The following CPLANE1 variants were observed in gnomAD, a reference collection of about 807,000 sequenced individuals.
The protein encoded by CPLANE1 is ciliogenesis and planar polarity effector 1.
Under a neutral mutation model 362.5 loss-of-function variants are expected in CPLANE1, and 263 were observed. The observed-to-expected ratio is 0.73, with a 90% CI of 0.66 to 0.80. CPLANE1 has a LOEUF of 0.80. Among genes scored for constraint, CPLANE1 ranks in the 30% least tolerant of loss-of-function variants. The pLI is 0.00. For synonymous variants in CPLANE1, 1,212 were observed against 1,302.6 expected (o/e 0.93, Z 1.50); for missense variants, 3,461 against 3,793.4 (o/e 0.91, Z 2.30).
intron 20 of CPLANE1, 104 bp downstream of exon 20, chr5:37,198,598 T>C: frequency 1.8e-6 from 2 of 1,113,864 alleles, no homozygotes; most frequent in South Asian, 1.8e-5. Context: ...TGTGGATTTA[T>C]AGGGCAGGAC....
intron 30 of CPLANE1, among the ~76,000 whole-genome samples, chr5:37,176,585 T>C (rs1038356500): frequency 6.6e-5 from 10 of 152,082 alleles, no homozygotes; most frequent in Non-Finnish European, 1.0e-4. Context: ...TAAAGATTAG[T>C]GTTTGTCTTC....
chr5:37,117,303 T>C (rs1378325944), intron 50 of CPLANE1, among the ~76,000 whole-genome samples: 1 of 150,708 alleles, frequency 6.6e-6, no homozygotes, highest in Non-Finnish European at 1.5e-5. Flanking sequence ...AAGCATTTAA[T>C]CTAGTATGGG....
rs375519014 is a variant in CPLANE1 at position 37,149,081 on chromosome 5, G to GGT, written c.8374-815_8374-814dup. On this transcript the variant is annotated intron_variant, in intron 42 of 52. Transcript: ENST00000651892. ...TAAATTAAATAAATAAGCAAATTGT[G>GGT]GTGTGTGTGTGTGTGTATACAAAAT... Among the ~76,000 whole-genome samples the GGT allele has an allele frequency of 5.2e-3, 780 of 151,448 alleles. 3 individuals are homozygous for GGT. The highest frequency in any genetic ancestry group is 0.015 in the African/African-American group (605 of 41,354).
In CPLANE1 at chr5:37,200,209, G is replaced by A. The variant is rs375457777; in HGVS notation, c.3508-1343C>T. On this transcript the variant is annotated intron_variant, in intron 19 of 52. Coordinates refer to ENST00000651892, the MANE Select transcript of CPLANE1 (RefSeq NM_001384732.1). ...TTATTGTTTAAACCATTTTGACCAAGTGTTTTATTACTTGCAACACAAGGG... is the reference window on the plus strand; with the variant it reads ...TTATTGTTTAAACCATTTTGACCAAATGTTTTATTACTTGCAACACAAGGG... 1.6e-4 allele frequency among the ~76,000 whole-genome samples: 25 copies of A among 152,274 alleles called. No homozygotes were observed. The East Asian group carries it at 3.5e-3, about 21-fold the overall frequency.
downstream of CPLANE1, among the ~76,000 whole-genome samples, chr5:37,104,275 T>C (rs534318825): frequency 1.1e-4 from 17 of 152,300 alleles, no homozygotes; most frequent in South Asian, 3.5e-3. Flanking sequence ...AGTTTTATCA[T>C]GGTTCTTAGA....
At position 37,226,628 on chromosome 5, in the gene CPLANE1, T is replaced by A. The variant is rs1216833526; in HGVS notation, c.1967A>T (p.Asp656Val). 5 of 1,551,298 alleles carry A rather than the reference T, an allele frequency of 3.2e-6. No individual in the cohort carries two copies. The highest frequency in any genetic ancestry group is 4.4e-6 in the Non-Finnish European group (5 of 1,146,878). ...GGTCAGCTTTATCAAATGCCCCACA[T>A]CTTGTTTGTATCTTATATCCCAATA... ...IHYWDIRYKQ[D>V]VGHLIKLTSN... The change falls in exon 12 of 53, where the codon GAT becomes GTT. Residue 656 changes from aspartate (D) to valine (V), a missense_variant. Transcript: ENST00000651892.
At chr5:37,230,180 A>G (rs903691789) in intron 9 of CPLANE1, among the ~76,000 whole-genome samples, 3 of 151,474 alleles carry the variant, frequency 2.0e-5, no homozygotes, top group African/African-American at 7.3e-5. Flanking sequence ...CGTCTCAAGA[A>G]AAAAAAAATA....
At chr5:37,181,404 T>A (rs569872055) in intron 26 of CPLANE1, among the ~76,000 whole-genome samples, 9 of 152,298 alleles carry the variant, frequency 5.9e-5, no homozygotes, top group African/African-American at 2.2e-4. Context: ...ACAAGGTACA[T>A]CCTTTTTGTC....
rs772774110 is a variant in CPLANE1 at position 37,170,255 on chromosome 5, AGTT to A, written c.6245_6247del (p.Gln2082del). On this transcript the variant is annotated inframe_deletion, in exon 33 of 53. Coordinates refer to ENST00000651892, the MANE Select transcript of CPLANE1 (RefSeq NM_001384732.1). ...ATGCACAGACTGAGACTGCTGTACA[AGTT>A]GTTGTGTATCTGGGAGATTAGCAAA... 2.2e-5 allele frequency: 35 copies of A among 1,614,058 alleles called. No individual in the cohort carries two copies. The highest frequency in any genetic ancestry group is 2.1e-5 in the Non-Finnish European group (25 of 1,180,022).
rs1791976102 is a variant in CPLANE1, at chr5:37,209,496, A to C, written c.2921-3071T>G. On this transcript the variant is annotated intron_variant, in intron 16 of 52. Coordinates refer to ENST00000651892, the MANE Select transcript of CPLANE1 (RefSeq NM_001384732.1). This position sits in a 1 kb window ranked among gnomAD's most constrained non-coding sequence, Gnocchi z 4.6. Reference sequence around the variant, plus strand: ...CAAGATACAACTTCGAAACCAGCTAATTCATGAGTTAATGCACCCTGTATT... The same window carrying C: ...CAAGATACAACTTCGAAACCAGCTACTTCATGAGTTAATGCACCCTGTATT... 2.3e-6 allele frequency: 3 copies of C among 1,277,582 alleles called. No homozygotes were observed. The Admixed American group carries it at 5.1e-5, about 22-fold the overall frequency. The allele number at this position is 1,277,582 out of a possible 1,614,324, so 79.1% of individuals were successfully genotyped here. A position where few individuals can be genotyped will look rare whatever the true frequency, so the allele number is the denominator to read the frequency against.
intron 21 of CPLANE1, among the ~76,000 whole-genome samples, chr5:37,191,412 T>G (rs1785514137): frequency 6.6e-6 from 1 of 152,100 alleles, no homozygotes; most frequent in Non-Finnish European, 1.5e-5. Flanking sequence ...TGCTCACACC[T>G]GTAAAGCCAG....
chr5:37,198,921 G>A, intron 19 of CPLANE1, 55 bp from the exon 20 acceptor site: 1 of 1,528,328 alleles, frequency 6.5e-7, no homozygotes, highest in Non-Finnish European at 8.9e-7. Context: ...AATTTAGAAT[G>A]TTAAAATGAA....
the CPLANE1 span, chr5:37,085,494 C>T: frequency 3.3e-5 from 27 of 808,498 alleles, no homozygotes; most frequent in African/African-American, 1.0e-4. Flanking sequence ...TCACAGCATC[C>T]GCTACCTTGA....
At chr5:37,085,586 TAC>T in the CPLANE1 span, 1 of 868,390 alleles carries the variant, frequency 1.2e-6, no homozygotes, top group Non-Finnish European at 2.0e-6. Context: ...TCAACACTGG[TAC>T]ACTGGTAACC....
At chr5:37,218,999 A>G (rs1047443914) in intron 15 of CPLANE1, among the ~76,000 whole-genome samples, 23 of 152,136 alleles carry the variant, frequency 1.5e-4, no homozygotes, top group African/African-American at 4.3e-4. Context: ...TCAACTTATC[A>G]TGAAAGTTAA....
the CPLANE1 span, among the ~76,000 whole-genome samples, chr5:37,082,554 C>T: frequency 6.6e-6 from 1 of 152,122 alleles, no homozygotes; most frequent in South Asian, 2.1e-4. Flanking sequence ...AACTAATTTT[C>T]AACCAAGAAG....
At position 37,107,459 on chromosome 5, in the gene CPLANE1, G is replaced by A. The variant is rs1283604211; in HGVS notation, c.*143C>T. ...AAATGTTTATTTTTCCTCTGGTAAT[G>A]GCTAATCCAGGTAATAATATGAAAG... On this transcript the variant is annotated 3_prime_UTR_variant, in exon 53 of 53. Coordinates refer to ENST00000651892, the MANE Select transcript of CPLANE1 (RefSeq NM_001384732.1). The A allele has an allele frequency of 3.3e-5, 43 of 1,310,438 alleles. No homozygotes were observed. The highest frequency in any genetic ancestry group is 3.8e-5 in the Non-Finnish European group (39 of 1,023,136). 81.2% of individuals were successfully genotyped at this position (1,310,438 alleles called of 1,614,324 possible).
rs1797766074 is a variant in CPLANE1, at chr5:37,231,694, G to C, written c.939-645C>G. On this transcript the variant is annotated intron_variant, in intron 8 of 52. Coordinates refer to ENST00000651892, the MANE Select transcript of CPLANE1 (RefSeq NM_001384732.1). ...TCTGTCCTCTCTGCAGGCTGTTAGA[G>C]TCCCTCTCAACAGCAGACTCTCCCT... is the stretch of plus-strand genomic sequence containing the variant. Among the ~76,000 whole-genome samples the C allele has an allele frequency of 2.6e-5, 4 of 152,096 alleles. No homozygotes were observed. In the South Asian group the frequency reaches 8.3e-4, roughly 32 times the overall value.
intron 8 of CPLANE1, 41 bp from the exon 9 acceptor site, chr5:37,231,090 T>C (rs539626728): frequency 5.0e-6 from 7 of 1,406,408 alleles, no homozygotes; most frequent in Non-Finnish European, 6.6e-6. Flanking sequence ...AGAGATACTT[T>C]ACAATGTCTA....
Sources: gnomAD v4.1 joint callset for allele counts (sites outside exome capture counted in the v4.1 genomes callset) on GRCh38, gnomAD v4.1.1 for gene constraint, Gnocchi (gnomAD v3.1) non-coding constraint, MANE v1.5 for transcripts, NCBI Gene and HGNC (gene_info 2026-07-23, HGNC 2026-07-21) for gene names.